MACROD2: variants seen among roughly 807,000 people sequenced by gnomAD.
MACROD2 encodes the protein ADP-ribose glycohydrolase MACROD2.
MACROD2 carries 36 observed loss-of-function variants against 70.4 expected under a neutral mutation model. That is an observed-to-expected ratio of 0.51 (90% CI 0.39 to 0.68). The LOEUF is 0.68. MACROD2 is among the 30% of genes least tolerant of loss of function. The probability of loss-of-function intolerance (pLI) is 0.00; values close to 1 mark genes in which losing one functional copy is unlikely to be tolerated. For synonymous variants in MACROD2, 172 were observed against 178.8 expected, an observed-to-expected ratio of 0.96 and a Z score of 0.30; for missense variants, 496 against 538.4, an observed-to-expected ratio of 0.92 and a Z score of 0.78.
At chr20:14,180,307 A>C (rs2148730665) in intron 3 of MACROD2, among the ~76,000 whole-genome samples, 1 of 152,156 alleles carries the variant, frequency 6.6e-6, no homozygotes, top group East Asian at 1.9e-4. Context: ...TAATGCAGAG[A>C]GTGTGTTTTA....
At chr20:14,837,323 TA>T (rs1031920457) in intron 5 of MACROD2, among the ~76,000 whole-genome samples, 2 of 151,470 alleles carry the variant, frequency 1.3e-5, no homozygotes, top group African/African-American at 4.8e-5. Context: ...AGGAAATTGT[TA>T]AAAAAAAATC....
chr20:15,274,916 G>A (rs2077377090), intron 6 of MACROD2, among the ~76,000 whole-genome samples: 1 of 152,214 alleles, frequency 6.6e-6, no homozygotes, highest in Non-Finnish European at 1.5e-5. Context: ...CTGGAGATGA[G>A]GTGTGGAGCT....
At chr20:15,713,987 GCACACA>G (rs3071356) in intron 8 of MACROD2, among the ~76,000 whole-genome samples, 2,658 of 117,764 alleles carry the variant, frequency 0.023, 84 homozygotes, top group African/African-American at 0.068. Context: ...ACACACATAT[GCACACA>G]CACACACACA....
At chr20:14,597,811 A>G (rs941373922) in intron 4 of MACROD2, among the ~76,000 whole-genome samples, 14 of 152,128 alleles carry the variant, frequency 9.2e-5, no homozygotes, top group African/African-American at 3.4e-4. Context: ...AATAAAAAAT[A>G]GAGTTGTTTG....
intron 4 of MACROD2, among the ~76,000 whole-genome samples, chr20:14,545,134 GAAGCC>G (rs2085477999): frequency 6.6e-6 from 1 of 152,156 alleles, no homozygotes; most frequent in Non-Finnish European, 1.5e-5. Flanking sequence ...AATGTAGGGA[GAAGCC>G]TGTCTAGGAA....
intron 5 of MACROD2, among the ~76,000 whole-genome samples, chr20:14,843,880 T>C (rs1568828467): frequency 6.6e-6 from 1 of 152,130 alleles, no homozygotes; most frequent in Non-Finnish European, 1.5e-5. Flanking sequence ...CCTTAACTTA[T>C]GGCCCTATGT....
At chr20:15,964,039 A>G (rs1390255959) in intron 12 of MACROD2, among the ~76,000 whole-genome samples, 1 of 152,206 alleles carries the variant, frequency 6.6e-6, no homozygotes, top group African/African-American at 2.4e-5. Context: ...AATAACATTG[A>G]CTGAATCTCA....
intron 8 of MACROD2, among the ~76,000 whole-genome samples, chr20:15,618,962 T>C (rs1014238328): frequency 2.6e-5 from 4 of 152,160 alleles, no homozygotes; most frequent in African/African-American, 9.7e-5. Context: ...AGAGTGCTGA[T>C]TGGTTGGCTG....
At chr20:14,465,014 G>A (rs1261265091) in intron 3 of MACROD2, among the ~76,000 whole-genome samples, 2 of 152,092 alleles carry the variant, frequency 1.3e-5, no homozygotes, top group Admixed American at 6.6e-5. Context: ...ATATTCTGTT[G>A]ATTTGGGGCG....
At chr20:16,019,203 A>G (rs929130614) in intron 15 of MACROD2, among the ~76,000 whole-genome samples, 1 of 152,190 alleles carries the variant, frequency 6.6e-6, no homozygotes, top group Non-Finnish European at 1.5e-5. Flanking sequence ...AATTTGAAAA[A>G]CTTTAAAAAG....
intron 13 of MACROD2, among the ~76,000 whole-genome samples, chr20:15,976,195 G>T (rs1161522515): frequency 6.6e-6 from 1 of 152,188 alleles, no homozygotes; most frequent in Non-Finnish European, 1.5e-5. Flanking sequence ...ATTCTAGACT[G>T]ATGTCCCCAG....
chr20:14,419,909 C>T (rs1038365398), intron 3 of MACROD2, among the ~76,000 whole-genome samples: 1 of 151,918 alleles, frequency 6.6e-6, no homozygotes, highest in Admixed American at 6.6e-5. Flanking sequence ...AAAAATGTAT[C>T]ATGTGGATAA....
At chr20:14,780,493 C>T (rs543384601) in intron 5 of MACROD2, among the ~76,000 whole-genome samples, 6 of 146,746 alleles carry the variant, frequency 4.1e-5, no homozygotes, top group South Asian at 2.1e-4. Flanking sequence ...ACCTGGGAGG[C>T]GGAGGTTGCA....
At chr20:15,310,504 T>C (rs922494787) in intron 6 of MACROD2, among the ~76,000 whole-genome samples, 1 of 152,104 alleles carries the variant, frequency 6.6e-6, no homozygotes, top group Non-Finnish European at 1.5e-5. Flanking sequence ...AATAAAATGG[T>C]TCACTGGAAG....
At chr20:14,031,544 A>C (rs2053246670) in intron 2 of MACROD2, among the ~76,000 whole-genome samples, 1 of 152,152 alleles carries the variant, frequency 6.6e-6, no homozygotes. Context: ...TGATAAATCT[A>C]ATTTTTTTCC....
intron 5 of MACROD2, among the ~76,000 whole-genome samples, chr20:15,173,464 T>A (rs113722445): frequency 9.8e-5 from 15 of 152,318 alleles, no homozygotes; most frequent in African/African-American, 3.6e-4. Context: ...ATTTCCTTAC[T>A]CACTTTGGCA....
chr20:14,326,142 T>C lies in MACROD2; in HGVS notation c.272-167337T>C. On this transcript the variant is annotated intron_variant, in intron 3 of 17. Transcript: ENST00000684519. The surrounding 1 kb of genome is among the most constrained non-coding windows in gnomAD (Gnocchi z 5.5). ...ACTCACTGCGTTCCCCTGTTACAAT[T>C]GTTTCTGTTATAGATCCAAATGCCG... is the stretch of plus-strand genomic sequence containing the variant. 6.2e-7 allele frequency: 1 copy of C among 1,613,886 alleles called. No homozygotes were observed. The highest frequency in any genetic ancestry group is 8.5e-7 in the Non-Finnish European group (1 of 1,179,880).
chr20:14,793,170 C>T (rs2072469881), intron 5 of MACROD2, among the ~76,000 whole-genome samples: 1 of 151,958 alleles, frequency 6.6e-6, no homozygotes, highest in African/African-American at 2.4e-5. Flanking sequence ...TCTACTCTGT[C>T]TTCCCTGTAC....
At chr20:14,138,743 G>C (rs80346953) in intron 3 of MACROD2, among the ~76,000 whole-genome samples, 7 of 149,930 alleles carry the variant, frequency 4.7e-5, no homozygotes, top group Admixed American at 2.7e-4. Context: ...AATTTGCTAA[G>C]AGAATAGATC....
Sources: gnomAD v4.1 joint callset for allele counts (sites outside exome capture counted in the v4.1 genomes callset) on GRCh38, gnomAD v4.1.1 for gene constraint, Gnocchi (gnomAD v3.1) non-coding constraint, MANE v1.5 for transcripts, NCBI Gene and HGNC (gene_info 2026-07-23, HGNC 2026-07-21) for gene names.